The following SLC17A5 variants were observed in gnomAD, a reference collection of about 807,000 sequenced individuals.
The protein encoded by SLC17A5 is sialin.
Under a neutral mutation model 59.4 loss-of-function variants are expected in SLC17A5, and 47 were observed. The ratio of observed to expected loss-of-function variants is 0.79; its 90% confidence interval spans 0.63 to 1.01. SLC17A5 has a LOEUF of 1.01. SLC17A5 is among the 50% of genes least tolerant of loss of function. The pLI is 0.00. For missense variants in SLC17A5, 522 were observed against 595.5 expected, an observed-to-expected ratio of 0.88 and a Z score of 1.28; for synonymous variants, 202 against 210.7, an observed-to-expected ratio of 0.96 and a Z score of 0.36.
intron 10 of SLC17A5, among the ~76,000 whole-genome samples, chr6:73,598,473 A>G (rs989537211): frequency 3.3e-5 from 5 of 151,924 alleles, no homozygotes; most frequent in Admixed American, 3.3e-4. Flanking sequence ...TGTACTAAAA[A>G]TTCAAAAATT....
intron 10 of SLC17A5, among the ~76,000 whole-genome samples, chr6:73,597,156 C>A (rs375666571): frequency 1.3e-5 from 2 of 148,632 alleles, no homozygotes; most frequent in African/African-American, 5.0e-5. Context: ...AGTGAAACTC[C>A]GTCTCAAAAA....
At chr6:73,598,286 T>C (rs1259441210) in intron 10 of SLC17A5, among the ~76,000 whole-genome samples, 2 of 152,356 alleles carry the variant, frequency 1.3e-5, no homozygotes, top group East Asian at 3.9e-4. Flanking sequence ...TATTGCATTA[T>C]TTATTTATAT....
intron 9 of SLC17A5, among the ~76,000 whole-genome samples, chr6:73,606,444 C>CT (rs1269424697): frequency 6.6e-6 from 1 of 152,226 alleles, no homozygotes. Flanking sequence ...CTCCCAACTG[C>CT]TACAACTATT....
intron 1 of SLC17A5, chr6:73,653,370 C>T: frequency 1.0e-6 from 1 of 985,460 alleles, no homozygotes. Flanking sequence ...TTTGCTCTTA[C>T]ACCGGGGTCC....
chr6:73,598,258 C>A (rs1157016135), intron 10 of SLC17A5, among the ~76,000 whole-genome samples: 1 of 152,192 alleles, frequency 6.6e-6, no homozygotes, highest in Non-Finnish European at 1.5e-5. Context: ...GAACCTCAGA[C>A]ACACTTTGAA....
chr6:73,601,651 C>A (rs1767110781), intron 9 of SLC17A5, among the ~76,000 whole-genome samples: 1 of 96,188 alleles, frequency 1.0e-5, no homozygotes, highest in Admixed American at 9.2e-5. Context: ...GGGGGTCAGC[C>A]CCCCGCCCAG....
At chr6:73,606,091 G>GCACAATCTCT (rs1161627576) in intron 9 of SLC17A5, among the ~76,000 whole-genome samples, 2 of 151,902 alleles carry the variant, frequency 1.3e-5, no homozygotes, top group Non-Finnish European at 2.9e-5. Flanking sequence ...AGCCCAGGCT[G>GCACAATCTCT]GAGTGCAGTA....
At chr6:73,598,668 G>A (rs370735895) in intron 10 of SLC17A5, among the ~76,000 whole-genome samples, 3 of 151,764 alleles carry the variant, frequency 2.0e-5, no homozygotes, top group Admixed American at 6.6e-5. Flanking sequence ...AGGTAAGTGT[G>A]TGCTTTTCCT....
chr6:73,598,861 G>A (rs979831367), intron 10 of SLC17A5, among the ~76,000 whole-genome samples: 2 of 152,032 alleles, frequency 1.3e-5, no homozygotes, highest in Non-Finnish European at 2.9e-5. Context: ...GCACATGCCT[G>A]TAATCCCAGC....
chr6:73,600,562 G>A, intron 9 of SLC17A5, 121 bp from the exon 10 acceptor site: 1 of 789,576 alleles, frequency 1.3e-6, no homozygotes, highest in Non-Finnish European at 2.1e-6. Flanking sequence ...AGGCTTGAGG[G>A]CAGTGGGATG....
At chr6:73,608,805 C>T (rs1308647434) in intron 9 of SLC17A5, among the ~76,000 whole-genome samples, 1 of 152,140 alleles carries the variant, frequency 6.6e-6, no homozygotes, top group East Asian at 1.9e-4. Context: ...TACTTGAGGC[C>T]AGGAGACTGA....
intron 9 of SLC17A5, among the ~76,000 whole-genome samples, chr6:73,601,914 G>C (rs1210990378): frequency 1.3e-5 from 2 of 151,814 alleles, no homozygotes; most frequent in Non-Finnish European, 2.9e-5. Context: ...CCCTCTGCCC[G>C]GCCACCACCC....
intron 9 of SLC17A5, among the ~76,000 whole-genome samples, chr6:73,601,512 G>T: frequency 8.1e-6 from 1 of 123,512 alleles, no homozygotes; most frequent in African/African-American, 3.4e-5. Context: ...AGGGAGGTGG[G>T]GGGGTCAGCC....
At chr6:73,596,482 T>A (rs779290618) in intron 10 of SLC17A5, among the ~76,000 whole-genome samples, 1 of 152,246 alleles carries the variant, frequency 6.6e-6, no homozygotes, top group Admixed American at 6.5e-5. Flanking sequence ...TTCTGGGTCA[T>A]GTGACTACCT....
intron 6 of SLC17A5, among the ~76,000 whole-genome samples, chr6:73,626,649 T>C (rs894702977): frequency 6.6e-6 from 1 of 152,220 alleles, no homozygotes; most frequent in African/African-American, 2.4e-5. Context: ...TATATGCACA[T>C]TGTCCACAGG....
intron 7 of SLC17A5, 99 bp from the exon 8 acceptor site, chr6:73,615,546 AAATGCATAGC>A (rs1767816695): frequency 1.7e-6 from 2 of 1,147,482 alleles, no homozygotes; most frequent in East Asian, 4.9e-5. Flanking sequence ...AAAGCAAAGG[AAATGCATAGC>A]AATATGTTGT....
chr6:73,624,551 A>G (rs1427765873), intron 6 of SLC17A5, among the ~76,000 whole-genome samples: 1 of 152,230 alleles, frequency 6.6e-6, no homozygotes, highest in East Asian at 1.9e-4. Context: ...TATGATATAC[A>G]TAAGTATCAT....
At chr6:73,630,718 G>T (rs148577235) in intron 6 of SLC17A5, among the ~76,000 whole-genome samples, 145 of 152,152 alleles carry the variant, frequency 9.5e-4, no homozygotes, top group Middle Eastern at 3.4e-3. Flanking sequence ...CTCTCTAGAA[G>T]ATATCACTCT....
intron 2 of SLC17A5, among the ~76,000 whole-genome samples, chr6:73,642,652 G>C (rs1410413288): frequency 6.6e-6 from 1 of 152,170 alleles, no homozygotes; most frequent in Non-Finnish European, 1.5e-5. Flanking sequence ...ACAGCACACA[G>C]CAAGGTACTA....
Sources: gnomAD v4.1 joint callset for allele counts (sites outside exome capture counted in the v4.1 genomes callset) on GRCh38, gnomAD v4.1.1 for gene constraint, MANE v1.5 for transcripts, NCBI Gene and HGNC (gene_info 2026-07-23, HGNC 2026-07-21) for gene names.